The following FBXW4 variants were observed in gnomAD, a reference collection of about 807,000 sequenced individuals.
FBXW4 encodes F-box and WD repeat domain containing 4, also known as F-box/WD repeat-containing protein 4.
A neutral mutation model predicts 61.8 loss-of-function variants in FBXW4; 40 were observed. That is an observed-to-expected ratio of 0.65 (90% CI 0.50 to 0.84). The LOEUF (loss-of-function observed/expected upper bound fraction) is 0.84, where lower values mean the gene tolerates loss of function less well. Ranked by LOEUF, FBXW4 falls within the 40% of genes least tolerant of loss-of-function variation. FBXW4 has a pLI of 0.00. For missense variants in FBXW4, 672 were observed against 753.8 expected, an observed-to-expected ratio of 0.89 and a Z score of 1.27; for synonymous variants, 311 against 313.8, an observed-to-expected ratio of 0.99 and a Z score of 0.10.
At chr10:101,681,603 G>C (rs1328255663) in intron 1 of FBXW4, among the ~76,000 whole-genome samples, 3 of 149,920 alleles carry the variant, frequency 2.0e-5, no homozygotes, top group African/African-American at 7.3e-5. Flanking sequence ...TGTAGTCCCA[G>C]CTACTCGGAA....
At chr10:101,641,873 AC>A (rs77097749) in intron 5 of FBXW4, among the ~76,000 whole-genome samples, 22,929 of 152,208 alleles carry the variant, frequency 0.15, 2,232 homozygotes, top group Non-Finnish European at 0.21. Flanking sequence ...CAATAGACAC[AC>A]ATGTGGCCAG....
chr10:101,674,812 G>A (rs1292306474), intron 2 of FBXW4, among the ~76,000 whole-genome samples: 2 of 152,246 alleles, frequency 1.3e-5, no homozygotes, highest in African/African-American at 4.8e-5. Context: ...GACAAGTCCT[G>A]TGGCAGGGAA....
chr10:101,674,456 C>T (rs79328718), intron 2 of FBXW4, among the ~76,000 whole-genome samples: 22 of 152,232 alleles, frequency 1.4e-4, no homozygotes, highest in South Asian at 4.2e-4. Flanking sequence ...ATACCTCTTC[C>T]GCAATAGATC....
intron 1 of FBXW4, among the ~76,000 whole-genome samples, chr10:101,688,201 G>C (rs912557813): frequency 6.6e-6 from 1 of 152,214 alleles, no homozygotes; most frequent in Non-Finnish European, 1.5e-5. Flanking sequence ...GTCAACAGAC[G>C]TGGTGATGTT....
chr10:101,682,607 A>G (rs1181566499), intron 1 of FBXW4, among the ~76,000 whole-genome samples: 2 of 152,200 alleles, frequency 1.3e-5, no homozygotes, highest in Non-Finnish European at 2.9e-5. Context: ...GAATGGATAT[A>G]TTTCCTGAAT....
At chr10:101,683,142 G>A (rs1007354894) in intron 1 of FBXW4, among the ~76,000 whole-genome samples, 2 of 152,214 alleles carry the variant, frequency 1.3e-5, no homozygotes, top group Non-Finnish European at 2.9e-5. Flanking sequence ...TGAGAAGACA[G>A]GAGCAGGTAC....
chr10:101,673,052 G>A lies in FBXW4; in HGVS notation c.1008-5C>T. On this transcript the variant is annotated splice_polypyrimidine_tract_variant and splice_region_variant and intron_variant, in intron 3 of 8. Coordinates refer to ENST00000331272, the MANE Select transcript of FBXW4 (RefSeq NM_022039.4). The stretch of plus-strand genomic sequence containing the variant: ...TGAATGCCAATCTTCCCATCCCTAG[G>A]AGAGAAATAAGGAGCCGACCCCCAA... 2 of 1,613,216 alleles carry A rather than the reference G, an allele frequency of 1.2e-6. No individual in the cohort carries two copies. The highest frequency in any genetic ancestry group is 2.7e-5 in the African/African-American group (2 of 74,816).
chr10:101,645,360 C>A (rs775026975), intron 5 of FBXW4, among the ~76,000 whole-genome samples: 71 of 152,204 alleles, frequency 4.7e-4, no homozygotes, highest in Non-Finnish European at 9.1e-4. Flanking sequence ...TTGCTCAGAA[C>A]AACTGGCTTG....
At position 101,630,994 on chromosome 10, in the gene FBXW4, C is replaced by T. The variant is rs142529773; in HGVS notation, c.1236-6184G>A. ...CTACCATCCACAGTGGCATCTGTTT[C>T]GAAAGAAGGAAGGGAGGCCCTAGGA... On this transcript the variant is annotated intron_variant, in intron 5 of 8. Coordinates refer to ENST00000331272, the MANE Select transcript of FBXW4 (RefSeq NM_022039.4). Among the ~76,000 whole-genome samples the T allele has an allele frequency of 5.3e-5, 8 of 151,800 alleles. No individual in the cohort carries two copies. In the East Asian group the frequency reaches 9.7e-4, roughly 18 times the overall value.
At chr10:101,681,674 G>A (rs1198727998) in intron 1 of FBXW4, among the ~76,000 whole-genome samples, 1 of 145,148 alleles carries the variant, frequency 6.9e-6, no homozygotes, top group African/African-American at 2.5e-5. Flanking sequence ...CTGAGATCGC[G>A]CCACTGCACT....
At position 101,694,684 on chromosome 10, in the gene FBXW4, C is replaced by G; in HGVS notation, c.422G>C (p.Arg141Pro). The change falls in exon 1 of 9, where the codon CGA becomes CCA. Residue 141 changes from arginine to proline, a missense_variant. By Grantham distance (103) the Arg-to-Pro change is moderately radical. Coordinates refer to ENST00000331272, the MANE Select transcript of FBXW4 (RefSeq NM_022039.4). This position sits in a 1 kb window ranked among gnomAD's most constrained non-coding sequence, Gnocchi z 6.0. ...GATGTCGGCCCAAGCCTGACCCCCT[C>G]GTCCCTGTGCTCTTCCCGGCCTGGC... is the stretch of plus-strand genomic sequence containing the variant. ...EGARPGRAQG[R>P]GGQAWADIAG... The G allele has an allele frequency of 1.4e-6, 2 of 1,381,992 alleles. No individual in the cohort carries two copies. Among genetic ancestry groups the G allele is most frequent in the Non-Finnish European group, 1.9e-6 (2 of 1,076,416 alleles). 85.6% of individuals were successfully genotyped at this position (1,381,992 alleles called of 1,614,324 possible).
intron 5 of FBXW4, among the ~76,000 whole-genome samples, chr10:101,662,655 G>A (rs1355020182): frequency 6.6e-6 from 1 of 152,160 alleles, no homozygotes; most frequent in Non-Finnish European, 1.5e-5. Context: ...TGGAGACAGG[G>A]AAAGGGTTTT....
At chr10:101,681,808 T>G (rs1287072212) in intron 1 of FBXW4, among the ~76,000 whole-genome samples, 1 of 151,392 alleles carries the variant, frequency 6.6e-6, no homozygotes, top group Non-Finnish European at 1.5e-5. Flanking sequence ...GATCAATTGT[T>G]GAAAATATAT....
At chr10:101,649,810 G>A (rs1333640953) in intron 5 of FBXW4, among the ~76,000 whole-genome samples, 3 of 152,204 alleles carry the variant, frequency 2.0e-5, no homozygotes, top group South Asian at 4.1e-4. Flanking sequence ...TCTGCCTTCC[G>A]ATCCATATGG....
At chr10:101,621,825 G>A (rs1042218939) in intron 6 of FBXW4, among the ~76,000 whole-genome samples, 5 of 152,122 alleles carry the variant, frequency 3.3e-5, no homozygotes, top group Non-Finnish European at 5.9e-5. Flanking sequence ...TAGAACTTTT[G>A]GCCTGAAGAA....
At chr10:101,617,885 G>C (rs2063838077) in intron 6 of FBXW4, among the ~76,000 whole-genome samples, 1 of 152,062 alleles carries the variant, frequency 6.6e-6, no homozygotes, top group Admixed American at 6.5e-5. Context: ...TCCTTAAAGA[G>C]GTAAAGAAAA....
chr10:101,656,045 C>T (rs1564916291), intron 5 of FBXW4, among the ~76,000 whole-genome samples: 1 of 152,182 alleles, frequency 6.6e-6, no homozygotes. Flanking sequence ...TCAGCCAATG[C>T]ATGTCACCTG....
At chr10:101,612,625 A>C (rs1036483612) in intron 6 of FBXW4, 148 bp from the exon 7 acceptor site, 12 of 902,640 alleles carry the variant, frequency 1.3e-5, no homozygotes, top group Non-Finnish European at 1.8e-5. Context: ...GGAGATGCCC[A>C]ATTCCTACCC....
At chr10:101,647,825 G>C (rs1201411530) in intron 5 of FBXW4, among the ~76,000 whole-genome samples, 2 of 152,118 alleles carry the variant, frequency 1.3e-5, no homozygotes, top group African/African-American at 4.8e-5. Context: ...ACCTGTGCCA[G>C]GTGCTAGACA....
Sources: allele counts gnomAD v4.1 joint callset (sites outside exome capture counted in the v4.1 genomes callset), GRCh38; gene constraint gnomAD v4.1.1; non-coding constraint Gnocchi (gnomAD v3.1); transcripts MANE v1.5; gene names NCBI Gene and HGNC (gene_info 2026-07-23, HGNC 2026-07-21).